Variants in CHLSN observed in about 807,000 individuals in gnomAD.
The protein encoded by CHLSN is protein cholesin.
At chr7:1,044,524 G>C in the CHLSN span, 1 of 151,656 alleles carries the variant, frequency 6.6e-6, no homozygotes, top group Non-Finnish European at 1.5e-5. Context: ...GCTGCCGCTC[G>C]CCGGCCGGGG....
the CHLSN span, among the ~76,000 whole-genome samples, chr7:1,012,416 G>A: frequency 2.0e-5 from 3 of 152,250 alleles, no homozygotes; most frequent in Non-Finnish European, 4.4e-5. Flanking sequence ...GGCCAAGCCG[G>A]GGACCCGCAG....
At chr7:1,120,957 G>A in the CHLSN span, among the ~76,000 whole-genome samples, 3 of 152,290 alleles carry the variant, frequency 2.0e-5, no homozygotes, top group Admixed American at 1.3e-4. Flanking sequence ...ATGGGGCAGC[G>A]CGGCTGGCAG....
the CHLSN span, chr7:1,057,833 G>T: frequency 1.3e-6 from 1 of 777,638 alleles, no homozygotes. Flanking sequence ...TGGCACTGCA[G>T]ATCCCCTTCA....
chr7:994,449 C>G, the CHLSN span, among the ~76,000 whole-genome samples: 2 of 152,104 alleles, frequency 1.3e-5, no homozygotes, highest in African/African-American at 2.4e-5. Context: ...GCGTGAGCCA[C>G]TAAATTTAGT....
the CHLSN span, among the ~76,000 whole-genome samples, chr7:1,103,117 G>A: frequency 1.2e-4 from 18 of 152,344 alleles, no homozygotes; most frequent in African/African-American, 3.8e-4. Context: ...TGGCAGCCCC[G>A]TCCGGGAGGC....
At chr7:980,084 C>T in the CHLSN span, among the ~76,000 whole-genome samples, 31 of 152,342 alleles carry the variant, frequency 2.0e-4, no homozygotes, top group African/African-American at 7.2e-4. Context: ...TGTTACGTTA[C>T]GCAAAGACAG....
At chr7:1,116,413 G>A in the CHLSN span, among the ~76,000 whole-genome samples, 520 of 94,070 alleles carry the variant, frequency 5.5e-3, no homozygotes, top group Middle Eastern at 0.04. Context: ...TGACATGACT[G>A]CAGCTCTACG....
the CHLSN span, among the ~76,000 whole-genome samples, chr7:1,117,596 G>A: frequency 3.1e-3 from 406 of 129,808 alleles, 12 homozygotes; most frequent in African/African-American, 0.012. Context: ...TCTATGGACC[G>A]GCTTCCATCA....
At chr7:1,001,511 GTGGGTGAGTGGAAT>G in the CHLSN span, among the ~76,000 whole-genome samples, 1 of 141,752 alleles carries the variant, frequency 7.1e-6, no homozygotes, top group Non-Finnish European at 1.6e-5. Flanking sequence ...GTGGAGTCCT[GTGGGTGAGTGGAAT>G]CCTGTGGGTG....
chr7:1,134,235 G>A, the CHLSN span, among the ~76,000 whole-genome samples: 1 of 150,644 alleles, frequency 6.6e-6, no homozygotes, highest in Non-Finnish European at 1.5e-5. Flanking sequence ...ATCACGCCAT[G>A]ATACTCCAGC....
At chr7:1,058,187 G>A in the CHLSN span, 31 of 741,756 alleles carry the variant, frequency 4.2e-5, no homozygotes, top group East Asian at 2.5e-4. Flanking sequence ...ACCGGGACAC[G>A]GGCCGGCTGG....
the CHLSN span, among the ~76,000 whole-genome samples, chr7:1,068,017 T>G: frequency 6.6e-6 from 1 of 152,128 alleles, no homozygotes; most frequent in Non-Finnish European, 1.5e-5. Flanking sequence ...CAGAGCTGCG[T>G]TTGGACGCTG....
chr7:1,079,282 C>T, the CHLSN span, among the ~76,000 whole-genome samples: 1 of 152,228 alleles, frequency 6.6e-6, no homozygotes, highest in Admixed American at 6.5e-5. Flanking sequence ...ATCCTGGGTC[C>T]CCAGGCAGGC....
chr7:1,040,800 C>G, the CHLSN span, among the ~76,000 whole-genome samples: 3 of 152,062 alleles, frequency 2.0e-5, no homozygotes, highest in South Asian at 6.2e-4. Flanking sequence ...TGGACTGGGA[C>G]AAAATATGTA....
chr7:987,119 G>A, the CHLSN span: 10 of 1,561,164 alleles, frequency 6.4e-6, no homozygotes, highest in South Asian at 3.5e-5. Context: ...GGATGACCCC[G>A]AGGGCCTGTT....
At chr7:1,114,769 G>A in the CHLSN span, among the ~76,000 whole-genome samples, 1 of 152,262 alleles carries the variant, frequency 6.6e-6, no homozygotes, top group African/African-American at 2.4e-5. Context: ...CAGAAACGAG[G>A]GTGGCCCGGG....
At chr7:986,884 C>T in the CHLSN span, 155,155 of 1,388,218 alleles carry the variant, frequency 0.11, 9,326 homozygotes, top group South Asian at 0.14. Context: ...GGGTCCATAC[C>T]GGTCCTGCAC....
At chr7:1,058,035 C>T in the CHLSN span, 32 of 769,234 alleles carry the variant, frequency 4.2e-5, no homozygotes, top group African/African-American at 1.0e-4. Context: ...TGTGTCCACC[C>T]GCGCGCTAGA....
At chr7:1,021,867 G>A in the CHLSN span, among the ~76,000 whole-genome samples, 11 of 152,358 alleles carry the variant, frequency 7.2e-5, no homozygotes, top group South Asian at 1.7e-3. Flanking sequence ...GGGCGAGGCT[G>A]GGTTTTGGGG....
Sources: gnomAD v4.1 joint callset for allele counts (sites outside exome capture counted in the v4.1 genomes callset) on GRCh38, gnomAD v4.1.1 for gene constraint, MANE v1.5 for transcripts, NCBI Gene and HGNC (gene_info 2026-07-23, HGNC 2026-07-21) for gene names.